Variants in PIP4K2A observed in about 807,000 individuals in gnomAD.
The protein encoded by PIP4K2A is phosphatidylinositol-5-phosphate 4-kinase type 2 alpha.
Under a neutral mutation model 42.9 loss-of-function variants are expected in PIP4K2A, and 14 were observed. The ratio of observed to expected loss-of-function variants is 0.33; its 90% CI spans 0.22 to 0.51. The LOEUF is 0.51. PIP4K2A is among the 20% of genes least tolerant of loss of function. The pLI is 0.97. For synonymous variants in PIP4K2A, 192 were observed against 192.2 expected, an observed-to-expected ratio of 1.00 and a Z score of 0.01; for missense variants, 434 against 519.8, an observed-to-expected ratio of 0.83 and a Z score of 1.61.
At chr10:22,664,506 A>ATT (rs1358557781) in intron 1 of PIP4K2A, among the ~76,000 whole-genome samples, 1 of 149,830 alleles carries the variant, frequency 6.7e-6, no homozygotes, top group African/African-American at 2.5e-5. Context: ...ATGCTTGCCA[A>ATT]TTTTTCTCCA....
chr10:22,673,455 G>A (rs983692903), intron 1 of PIP4K2A, among the ~76,000 whole-genome samples: 1 of 152,008 alleles, frequency 6.6e-6, no homozygotes, highest in Non-Finnish European at 1.5e-5. Context: ...GCCCTGGCCC[G>A]GGGTCTTGCA....
chr10:22,590,043 T>G (rs1280635514), intron 4 of PIP4K2A, among the ~76,000 whole-genome samples: 1 of 152,124 alleles, frequency 6.6e-6, no homozygotes, highest in East Asian at 1.9e-4. Context: ...GTGCCCTTAT[T>G]AGAAGTGACA....
chr10:22,561,610 C>G (rs1260707228), intron 6 of PIP4K2A, among the ~76,000 whole-genome samples: 1 of 97,370 alleles, frequency 1.0e-5, no homozygotes, highest in Non-Finnish European at 1.9e-5. Context: ...GGGTCTTGTT[C>G]TGTCACTGAG....
At chr10:22,592,369 T>A (rs937977149) in intron 3 of PIP4K2A, among the ~76,000 whole-genome samples, 3 of 152,168 alleles carry the variant, frequency 2.0e-5, no homozygotes, top group Non-Finnish European at 4.4e-5. Flanking sequence ...ATCCAAACTC[T>A]CAACTAGTAA....
intron 6 of PIP4K2A, among the ~76,000 whole-genome samples, chr10:22,560,818 C>A (rs958884228): frequency 6.6e-6 from 1 of 152,150 alleles, no homozygotes; most frequent in African/African-American, 2.4e-5. Flanking sequence ...GAACAAAATG[C>A]ATATTTGTGT....
intron 1 of PIP4K2A, among the ~76,000 whole-genome samples, chr10:22,706,218 T>C (rs542756045): frequency 6.6e-6 from 1 of 152,034 alleles, no homozygotes; most frequent in African/African-American, 2.4e-5. Flanking sequence ...AGCTGGGAGA[T>C]TCTATCTAAT....
intron 1 of PIP4K2A, among the ~76,000 whole-genome samples, chr10:22,634,648 C>T (rs1838622902): frequency 6.6e-6 from 1 of 152,180 alleles, no homozygotes; most frequent in South Asian, 2.1e-4. Context: ...GTATTCCTGT[C>T]CAAGGTCCAA....
At chr10:22,636,397 G>A (rs867949196) in intron 1 of PIP4K2A, among the ~76,000 whole-genome samples, 56 of 152,226 alleles carry the variant, frequency 3.7e-4, no homozygotes, top group Middle Eastern at 3.4e-3. Flanking sequence ...GACTACAGGT[G>A]TGTGCCACTA....
intron 1 of PIP4K2A, among the ~76,000 whole-genome samples, chr10:22,710,246 A>G (rs924554993): frequency 1.3e-5 from 2 of 152,172 alleles, no homozygotes; most frequent in African/African-American, 4.8e-5. Flanking sequence ...TTCCCACGGT[A>G]AAGACCCACG....
chr10:22,623,818 A>C (rs1012502256), intron 1 of PIP4K2A, among the ~76,000 whole-genome samples: 1 of 152,222 alleles, frequency 6.6e-6, no homozygotes, highest in African/African-American at 2.4e-5. Context: ...ACCAATCAAC[A>C]AGAAGCCACG....
chr10:22,680,352 T>G (rs1381114741), intron 1 of PIP4K2A, among the ~76,000 whole-genome samples: 1 of 152,236 alleles, frequency 6.6e-6, no homozygotes, highest in Non-Finnish European at 1.5e-5. Context: ...GGCCGAATTA[T>G]GAGTAATTTA....
intron 4 of PIP4K2A, among the ~76,000 whole-genome samples, chr10:22,577,027 G>A (rs1376909753): frequency 6.8e-6 from 1 of 146,646 alleles, no homozygotes; most frequent in African/African-American, 2.5e-5. Flanking sequence ...GCAGTGAGCC[G>A]AGATTGCGCC....
chr10:22,584,252 G>A (rs1039985253), intron 4 of PIP4K2A, among the ~76,000 whole-genome samples: 7 of 151,672 alleles, frequency 4.6e-5, no homozygotes, highest in African/African-American at 1.7e-4. Flanking sequence ...GAAACTATCA[G>A]GAATGAACGG....
intron 3 of PIP4K2A, among the ~76,000 whole-genome samples, chr10:22,596,492 T>C (rs192250407): frequency 6.6e-6 from 1 of 152,356 alleles, no homozygotes; most frequent in East Asian, 1.9e-4. Flanking sequence ...GGAGGTCTTA[T>C]ATCTTCAACA....
At chr10:22,659,922 C>T (rs1324412070) in intron 1 of PIP4K2A, among the ~76,000 whole-genome samples, 1 of 152,148 alleles carries the variant, frequency 6.6e-6, no homozygotes, top group Non-Finnish European at 1.5e-5. Flanking sequence ...CAGACTGAGG[C>T]AGGGCTGGCT....
In PIP4K2A at chr10:22,625,071, T is replaced by C. The variant is rs1255409517; in HGVS notation, c.145-15354A>G. On this transcript the variant is annotated intron_variant, in intron 1 of 9. Transcript: ENST00000376573. Reference sequence around the variant, plus strand: ...AGTCAACTAAAAACCTTTGTATAACTGGCGAGATGTGTTGAGAAAAGGAGC... The same window carrying C: ...AGTCAACTAAAAACCTTTGTATAACCGGCGAGATGTGTTGAGAAAAGGAGC... Among the ~76,000 whole-genome samples the C allele has an allele frequency of 9.9e-5, 15 of 152,232 alleles. 1 individual carries two copies. Among genetic ancestry groups the C allele is most frequent in the Admixed American group, 9.2e-4 (14 of 15,282 alleles).
chr10:22,704,083 G>A (rs1306030130), intron 1 of PIP4K2A, among the ~76,000 whole-genome samples: 3 of 152,122 alleles, frequency 2.0e-5, no homozygotes, highest in African/African-American at 4.8e-5. Context: ...AGCCCAAGAG[G>A]AAAGTTAGAG....
intron 1 of PIP4K2A, among the ~76,000 whole-genome samples, chr10:22,666,299 T>C (rs1203890388): frequency 6.6e-6 from 1 of 152,198 alleles, no homozygotes; most frequent in Non-Finnish European, 1.5e-5. Flanking sequence ...AAGTATATTG[T>C]ATAACTTACT....
intron 1 of PIP4K2A, among the ~76,000 whole-genome samples, chr10:22,641,693 C>T (rs975397372): frequency 6.6e-6 from 1 of 152,026 alleles, no homozygotes; most frequent in Non-Finnish European, 1.5e-5. Context: ...AAGTGATCCT[C>T]CCACCTCAGC....
Sources: allele counts gnomAD v4.1 joint callset (sites outside exome capture counted in the v4.1 genomes callset), GRCh38; gene constraint gnomAD v4.1.1; transcripts MANE v1.5; gene names NCBI Gene and HGNC (gene_info 2026-07-23, HGNC 2026-07-21).